SH3RF1: variants seen among roughly 807,000 people sequenced by gnomAD.
SH3RF1 encodes the protein E3 ubiquitin-protein ligase SH3RF1.
In SH3RF1, 32 loss-of-function variants were observed where a neutral mutation model predicts 74.0. The ratio of observed to expected loss-of-function variants is 0.43; its 90% CI spans 0.33 to 0.58. The LOEUF is 0.58. Ranked by LOEUF, SH3RF1 falls within the 20% of genes least tolerant of loss-of-function variation. The probability of loss-of-function intolerance (pLI) is 0.05; values close to 1 mark genes in which losing one functional copy is unlikely to be tolerated. For missense variants in SH3RF1, 954 were observed against 1,130.9 expected (o/e 0.84, Z 2.24); for synonymous variants, 396 against 439.6 (o/e 0.90, Z 1.24).
chr4:169,161,074 G>A lies in SH3RF1; in HGVS notation c.394-4395C>T, dbSNP rs546694067. 2.0e-5 allele frequency among the ~76,000 whole-genome samples: 3 copies of A among 152,186 alleles called. No individual in the cohort carries two copies. The South Asian group carries it at 6.2e-4, about 32-fold the overall frequency. On this transcript the variant is annotated intron_variant, in intron 2 of 11. Coordinates refer to ENST00000284637, the MANE Select transcript of SH3RF1 (RefSeq NM_020870.4). Reference sequence around the variant, plus strand: ...CTCTCATCAGGCCAAGGCCCCCAAGGATCCACAGAGCTTACATTTCACTTG... The same window carrying A: ...CTCTCATCAGGCCAAGGCCCCCAAGAATCCACAGAGCTTACATTTCACTTG...
intron 2 of SH3RF1, among the ~76,000 whole-genome samples, chr4:169,219,383 C>T (rs955128172): frequency 2.0e-5 from 3 of 152,130 alleles, no homozygotes; most frequent in East Asian, 1.9e-4. Flanking sequence ...TGGTATTTGG[C>T]GTAACAAACT....
At chr4:169,218,594 T>A (rs1730505652) in intron 2 of SH3RF1, among the ~76,000 whole-genome samples, 1 of 151,014 alleles carries the variant, frequency 6.6e-6, no homozygotes, top group Non-Finnish European at 1.5e-5. Context: ...GGGGATAAGA[T>A]TCAGTCACTC....
At chr4:169,211,797 A>G (rs1197517281) in intron 2 of SH3RF1, among the ~76,000 whole-genome samples, 1 of 152,184 alleles carries the variant, frequency 6.6e-6, no homozygotes, top group Admixed American at 6.5e-5. Flanking sequence ...GTCAGATGCC[A>G]ATCAAACTGG....
intron 10 of SH3RF1, among the ~76,000 whole-genome samples, chr4:169,108,304 G>A (rs1733181266): frequency 6.6e-6 from 1 of 152,196 alleles, no homozygotes; most frequent in Admixed American, 6.5e-5. Context: ...TAAGGGACCT[G>A]CTGAGGAATT....
chr4:169,152,746 A>T (rs1302350908), intron 4 of SH3RF1, among the ~76,000 whole-genome samples: 1 of 152,180 alleles, frequency 6.6e-6, no homozygotes. Context: ...TCAAAAAATA[A>T]AAAAGGAGAT....
intron 7 of SH3RF1, 25 bp downstream of exon 7, chr4:169,122,075 A>G (rs749349657): frequency 1.2e-5 from 19 of 1,609,576 alleles, no homozygotes; most frequent in Non-Finnish European, 1.6e-5. Context: ...ACACATAAGC[A>G]GTAACAGACG....
chr4:169,097,067 T>C (rs1466215688), intron 11 of SH3RF1, among the ~76,000 whole-genome samples: 2 of 152,298 alleles, frequency 1.3e-5, no homozygotes, highest in Non-Finnish European at 2.9e-5. Context: ...TTTATTTGAT[T>C]GGTGAGACTG....
Position 169,122,141 on chromosome 4 carries a change from A to G in SH3RF1, c.1305T>C (p.Thr435=). The change falls in exon 7 of 12, where the codon ACT becomes ACC. Residue 435 remains threonine, a synonymous_variant. Transcript: ENST00000284637. ...GCGGCCGTAAATGTGCAATCTGGTC[A>G]GTGGATCCTGCCATGGGCCTCGGTC... ...GMGPRPMAGS[T]DQIAHLRPQT... is the part of the protein sequence containing the mutation. 3.7e-6 allele frequency: 6 copies of G among 1,613,148 alleles called. No individual in the cohort carries two copies.
At chr4:169,245,373 T>A (rs1449674488) in intron 2 of SH3RF1, among the ~76,000 whole-genome samples, 1 of 152,166 alleles carries the variant, frequency 6.6e-6, no homozygotes, top group African/African-American at 2.4e-5. Flanking sequence ...TATACTCAAG[T>A]CACAACAAAA....
chr4:169,250,885 A>T (rs1405278237), intron 2 of SH3RF1, among the ~76,000 whole-genome samples: 1 of 152,198 alleles, frequency 6.6e-6, no homozygotes, highest in East Asian at 1.9e-4. Context: ...ACTGAAGGAA[A>T]GGAGCAAGCC....
At chr4:169,264,438 T>C (rs751633279) in intron 2 of SH3RF1, among the ~76,000 whole-genome samples, 6 of 152,200 alleles carry the variant, frequency 3.9e-5, no homozygotes, top group Non-Finnish European at 7.3e-5. Flanking sequence ...AGTTAGAACT[T>C]CAACGTAGCA....
chr4:169,163,692 G>A (rs535813467), intron 2 of SH3RF1, among the ~76,000 whole-genome samples: 1 of 152,130 alleles, frequency 6.6e-6, no homozygotes, highest in East Asian at 1.9e-4. Flanking sequence ...TGGATTGTCT[G>A]TTCCACCTCA....
chr4:169,122,367 T>C (rs1733455790), intron 6 of SH3RF1, 101 bp from the exon 7 acceptor site: 9 of 1,343,924 alleles, frequency 6.7e-6, no homozygotes, highest in East Asian at 2.5e-5. Flanking sequence ...TATAAATCCA[T>C]AGAACAAGAC....
intron 2 of SH3RF1, among the ~76,000 whole-genome samples, chr4:169,267,397 C>T (rs1309586406): frequency 6.6e-6 from 1 of 152,150 alleles, no homozygotes; most frequent in East Asian, 1.9e-4. Flanking sequence ...TCAGGTGTCT[C>T]AGAAATTATC....
intron 2 of SH3RF1, among the ~76,000 whole-genome samples, chr4:169,237,567 T>A (rs1730840324): frequency 6.6e-6 from 1 of 152,198 alleles, no homozygotes; most frequent in South Asian, 2.1e-4. Context: ...ACCACCAGCA[T>A]GCTAAAAATA....
At chr4:169,140,003 T>C (rs575560684) in intron 4 of SH3RF1, among the ~76,000 whole-genome samples, 4 of 152,382 alleles carry the variant, frequency 2.6e-5, no homozygotes, top group South Asian at 4.1e-4. Flanking sequence ...TTTTTCTGCA[T>C]TTGATTTTTA....
intron 2 of SH3RF1, among the ~76,000 whole-genome samples, chr4:169,225,496 A>C (rs1417719452): frequency 6.6e-6 from 1 of 152,212 alleles, no homozygotes; most frequent in East Asian, 1.9e-4. Flanking sequence ...CATTTCAAGA[A>C]TCATGCTGTG....
chr4:169,184,781 TCTAGGGTGTACA>T (rs1734576901), intron 2 of SH3RF1, among the ~76,000 whole-genome samples: 1 of 152,192 alleles, frequency 6.6e-6, no homozygotes, highest in African/African-American at 2.4e-5. Flanking sequence ...AAGTCTGCAC[TCTAGGGTGTACA>T]ATCTAAATCA....
intron 2 of SH3RF1, among the ~76,000 whole-genome samples, chr4:169,170,360 C>T (rs951948807): frequency 1.3e-5 from 2 of 152,054 alleles, no homozygotes; most frequent in African/African-American, 4.8e-5. Context: ...TTAAGCATTT[C>T]GTGTATACTG....
Sources: gnomAD v4.1 joint callset for allele counts (sites outside exome capture counted in the v4.1 genomes callset) on GRCh38, gnomAD v4.1.1 for gene constraint, MANE v1.5 for transcripts, NCBI Gene and HGNC (gene_info 2026-07-23, HGNC 2026-07-21) for gene names.